Variants in LMBR1 observed in about 807,000 individuals in gnomAD.
The protein encoded by LMBR1 is limb development membrane protein 1.
Under a neutral mutation model 73.9 loss-of-function variants are expected in LMBR1, and 52 were observed. The ratio of observed to expected loss-of-function variants is 0.70; its 90% CI spans 0.56 to 0.89. The LOEUF (loss-of-function observed/expected upper bound fraction) is 0.89, where lower values mean the gene tolerates loss of function less well. Ranked by LOEUF, LMBR1 falls within the 40% of genes least tolerant of loss-of-function variation. The pLI is 0.00. For synonymous variants in LMBR1, 215 were observed against 209.4 expected (o/e 1.03, Z -0.23); for missense variants, 539 against 579.8 (o/e 0.93, Z 0.72).
intron 15 of LMBR1, among the ~76,000 whole-genome samples, chr7:156,702,469 G>T (rs1476145012): frequency 6.6e-6 from 1 of 151,954 alleles, no homozygotes; most frequent in Non-Finnish European, 1.5e-5. Context: ...TTTTAATGAG[G>T]TTTGTTTTTT....
At chr7:156,810,903 C>T (rs143681021) in intron 4 of LMBR1, among the ~76,000 whole-genome samples, 1,900 of 151,666 alleles carry the variant, frequency 0.013, 19 homozygotes, top group Non-Finnish European at 0.017. Context: ...CCACCTCTCC[C>T]GGGTTCAAGC....
chr7:156,858,899 A>T (rs1797344168), intron 1 of LMBR1, among the ~76,000 whole-genome samples: 1 of 152,138 alleles, frequency 6.6e-6, no homozygotes, highest in African/African-American at 2.4e-5. Context: ...ATAAAAAAAA[A>T]ATTCTCAACT....
At chr7:156,882,815 G>A (rs1188727417) in intron 1 of LMBR1, among the ~76,000 whole-genome samples, 5 of 151,250 alleles carry the variant, frequency 3.3e-5, no homozygotes, top group African/African-American at 7.3e-5. Context: ...GGCAGATCAC[G>A]AGGTCAGGAG....
At chr7:156,849,174 C>T (rs1795914256) in intron 1 of LMBR1, among the ~76,000 whole-genome samples, 2 of 152,046 alleles carry the variant, frequency 1.3e-5, no homozygotes, top group African/African-American at 4.8e-5. Flanking sequence ...TAGTATGCAG[C>T]CATAAAAGTG....
chr7:156,838,132 C>T (rs1365631841), intron 1 of LMBR1, among the ~76,000 whole-genome samples: 1 of 152,126 alleles, frequency 6.6e-6, no homozygotes, highest in Admixed American at 6.6e-5. Flanking sequence ...TACATATTTA[C>T]TGTGTACAAA....
intron 9 of LMBR1, among the ~76,000 whole-genome samples, chr7:156,746,479 A>C (rs1819877070): frequency 6.6e-6 from 1 of 152,198 alleles, no homozygotes; most frequent in Non-Finnish European, 1.5e-5. Flanking sequence ...TCAATGTATG[A>C]TTCTTCAAAG....
At position 156,685,476 on chromosome 7, in the gene LMBR1, G is replaced by T. The variant is rs888508275; in HGVS notation, c.1388-1313C>A. Among the ~76,000 whole-genome samples the T allele has an allele frequency of 6.6e-6, 1 of 152,222 alleles. No homozygotes were observed. The highest frequency in any genetic ancestry group is 2.1e-4 in the South Asian group (1 of 4,828). On this transcript the variant is annotated intron_variant, in intron 16 of 16. Coordinates refer to ENST00000353442, the MANE Select transcript of LMBR1 (RefSeq NM_022458.4). The surrounding 1 kb of genome is among the most constrained non-coding windows in gnomAD (Gnocchi z 4.1). ...CAGCCATGCCATCCCTAGGCTGCAG[G>T]GTGTGGCCGGCTGCTCCTCAGTTAC...
chr7:156,875,237 A>T (rs1366556013), intron 1 of LMBR1, among the ~76,000 whole-genome samples: 1 of 152,180 alleles, frequency 6.6e-6, no homozygotes, highest in African/African-American at 2.4e-5. Flanking sequence ...AATTAACCCA[A>T]GCCAACAAAG....
intron 1 of LMBR1, among the ~76,000 whole-genome samples, chr7:156,859,839 G>T (rs1797484292): frequency 6.6e-6 from 1 of 152,130 alleles, no homozygotes; most frequent in Non-Finnish European, 1.5e-5. Context: ...TAGAATAGGT[G>T]ACACAATACT....
chr7:156,775,084 G>A lies in LMBR1; in HGVS notation c.424-11289C>T, dbSNP rs139684994. ...GTACTATGCTTACAACCTGGGTGAC[G>A]AAGACAAGCACGGTGGCTCACGCCT... is the stretch of plus-strand genomic sequence containing the variant. On this transcript the variant is annotated intron_variant, in intron 5 of 16. Coordinates refer to ENST00000353442, the MANE Select transcript of LMBR1 (RefSeq NM_022458.4). Among the ~76,000 whole-genome samples, 497 of 152,198 alleles carry A rather than the reference G, an allele frequency of 3.3e-3. 6 individuals carry two copies. The highest frequency in any genetic ancestry group is 0.011 in the African/African-American group (457 of 41,552).
downstream of LMBR1, among the ~76,000 whole-genome samples, chr7:156,675,365 G>A (rs946928257): frequency 1.4e-4 from 22 of 152,270 alleles, no homozygotes; most frequent in Non-Finnish European, 1.0e-4. Flanking sequence ...TTTAGGGGTG[G>A]GGAGAGGTCA....
intron 5 of LMBR1, among the ~76,000 whole-genome samples, chr7:156,779,963 C>G (rs779618714): frequency 7.2e-5 from 11 of 152,080 alleles, no homozygotes; most frequent in Non-Finnish European, 1.6e-4. Context: ...TAATAAAGAA[C>G]AGAAAATAAA....
intron 4 of LMBR1, among the ~76,000 whole-genome samples, chr7:156,826,140 T>C (rs560558219): frequency 1.3e-5 from 2 of 152,174 alleles, no homozygotes; most frequent in African/African-American, 4.8e-5. Context: ...CCACCATGCC[T>C]GGCTAATTTT....
chr7:156,863,121 G>T (rs977472111), intron 1 of LMBR1, among the ~76,000 whole-genome samples: 1 of 152,046 alleles, frequency 6.6e-6, no homozygotes. Flanking sequence ...TATATGTATA[G>T]ATAGATACAA....
rs1221901998 is a variant in LMBR1, at chr7:156,856,164, C to G, written c.67-19279G>C. Among the ~76,000 whole-genome samples, 6 of 152,176 alleles carry G rather than the reference C, an allele frequency of 3.9e-5. No individual in the cohort carries two copies. In the East Asian group the frequency reaches 1.2e-3, roughly 29 times the overall value. On this transcript the variant is annotated intron_variant, in intron 1 of 16. Coordinates refer to ENST00000353442, the MANE Select transcript of LMBR1 (RefSeq NM_022458.4). ...GAGCCGAGATCGCACCACTGCACTC[C>G]AGCCAGGGCGACAGAGCAAGACTCT...
chr7:156,850,406 G>A (rs1796076667), intron 1 of LMBR1, among the ~76,000 whole-genome samples: 1 of 152,192 alleles, frequency 6.6e-6, no homozygotes, highest in Non-Finnish European at 1.5e-5. Context: ...AAGACAGCTA[G>A]TAACAAATGT....
chr7:156,709,461 C>T (rs1327059851), intron 15 of LMBR1, among the ~76,000 whole-genome samples: 10 of 152,234 alleles, frequency 6.6e-5, no homozygotes, highest in Admixed American at 6.5e-4. Flanking sequence ...CTCCATCACT[C>T]CCCTGCCAAC....
At position 156,763,195 on chromosome 7, in the gene LMBR1, T is replaced by C. The variant is rs1300137988; in HGVS notation, c.551-19A>G. The C allele has an allele frequency of 1.8e-6, 2 of 1,086,724 alleles. No individual in the cohort carries two copies. Among genetic ancestry groups the C allele is most frequent in the Non-Finnish European group, 2.7e-6 (2 of 747,368 alleles). The allele number at this position is 1,086,724 out of a possible 1,614,324, so 67.3% of individuals were successfully genotyped here. A position where few individuals can be genotyped will look rare whatever the true frequency, so the allele number is the denominator to read the frequency against. On this transcript the variant is annotated intron_variant, in intron 6 of 16. Transcript: ENST00000353442. ...CAGAGATCTATTAAAAAAAAGTAAA[T>C]ATATTTTAATAAATCCAAAATACTG...
chr7:156,872,442 G>A (rs375994866), intron 1 of LMBR1, among the ~76,000 whole-genome samples: 3 of 152,188 alleles, frequency 2.0e-5, no homozygotes, highest in South Asian at 4.1e-4. Flanking sequence ...GAGGTCAGGA[G>A]TTCGAGACCA....
Sources: gnomAD v4.1 joint callset for allele counts (sites outside exome capture counted in the v4.1 genomes callset) on GRCh38, gnomAD v4.1.1 for gene constraint, Gnocchi (gnomAD v3.1) non-coding constraint, MANE v1.5 for transcripts, NCBI Gene and HGNC (gene_info 2026-07-23, HGNC 2026-07-21) for gene names.